Variants in ANKRD17 observed in about 807,000 individuals in gnomAD.
ANKRD17 encodes ankyrin repeat domain 17, also known as ankyrin repeat domain-containing protein 17.
In ANKRD17, 19 loss-of-function variants were observed where a neutral mutation model predicts 229.7. That is an observed-to-expected ratio of 0.08 (90% confidence interval 0.06 to 0.12). ANKRD17 has a LOEUF of 0.12. ANKRD17 is among the 10% of genes least tolerant of loss of function. The pLI is 1.00. For missense variants in ANKRD17, 2,176 were observed against 3,176.8 expected, an observed-to-expected ratio of 0.68 and a Z score of 7.57; for synonymous variants, 1,112 against 1,146.1, an observed-to-expected ratio of 0.97 and a Z score of 0.60.
chr4:73,136,508 T>C (rs1022705545), intron 15 of ANKRD17, among the ~76,000 whole-genome samples: 14 of 152,102 alleles, frequency 9.2e-5, no homozygotes, highest in African/African-American at 3.4e-4. Flanking sequence ...TTATACATTT[T>C]TAAGTCCACT....
intron 15 of ANKRD17, among the ~76,000 whole-genome samples, chr4:73,139,104 T>C (rs1481722474): frequency 6.6e-6 from 1 of 152,188 alleles, no homozygotes; most frequent in Non-Finnish European, 1.5e-5. Flanking sequence ...ATATAAAGTA[T>C]TTCTGTTCAT....
At chr4:73,210,180 T>A (rs1477017164) in intron 1 of ANKRD17, among the ~76,000 whole-genome samples, 1 of 151,828 alleles carries the variant, frequency 6.6e-6, no homozygotes, top group Admixed American at 6.6e-5. Context: ...GTACATATGA[T>A]CCAAGTAGAT....
At chr4:73,113,257 G>A (rs557948805) in intron 24 of ANKRD17, 2 of 1,289,348 alleles carry the variant, frequency 1.6e-6, no homozygotes, top group South Asian at 2.5e-5. Context: ...ACTATATGCT[G>A]TTTTGGTGTA....
chr4:73,210,013 T>C (rs941728911), intron 1 of ANKRD17, among the ~76,000 whole-genome samples: 1 of 152,098 alleles, frequency 6.6e-6, no homozygotes, highest in Non-Finnish European at 1.5e-5. Flanking sequence ...TGAATACTTA[T>C]CTCCCTAAAA....
chr4:73,202,318 T>TAAAAAAAAAAAA (rs10533861), intron 1 of ANKRD17, among the ~76,000 whole-genome samples: 4 of 21,938 alleles, frequency 1.8e-4, no homozygotes, highest in Admixed American at 8.7e-4. Flanking sequence ...GGAACAGGAT[T>TAAAAAAAAAAAA]AAAAAAAAAA....
chr4:73,097,286 A>G lies in ANKRD17; in HGVS notation c.5022-14T>C, dbSNP rs1193412646. The stretch of plus-strand genomic sequence containing the variant: ...GTTTCTGACAATCTTTAACAAAGAG[A>G]GGGAAAGTACATTAAATATGGAACA... On this transcript the variant is annotated splice_polypyrimidine_tract_variant and intron_variant, in intron 26 of 33. Transcript: ENST00000358602. 1 of 1,566,858 alleles carries G rather than the reference A, an allele frequency of 6.4e-7. No individual in the cohort carries two copies. The highest frequency in any genetic ancestry group is 8.6e-7 in the Non-Finnish European group (1 of 1,160,976).
chr4:73,165,001 A>C (rs573646923), intron 2 of ANKRD17, among the ~76,000 whole-genome samples: 1 of 152,016 alleles, frequency 6.6e-6, no homozygotes, highest in South Asian at 2.1e-4. Context: ...ATGCGTAATT[A>C]TGTTCCTCTC....
chr4:73,251,420 TG>T (rs1225871775), intron 1 of ANKRD17, among the ~76,000 whole-genome samples: 1 of 152,144 alleles, frequency 6.6e-6, no homozygotes, highest in Non-Finnish European at 1.5e-5. Flanking sequence ...ATTTTGCTTC[TG>T]GGTAAGAAGT....
intron 1 of ANKRD17, among the ~76,000 whole-genome samples, chr4:73,252,943 C>T (rs928969497): frequency 6.6e-6 from 1 of 151,892 alleles, no homozygotes; most frequent in Non-Finnish European, 1.5e-5. Flanking sequence ...AATGGCCGTC[C>T]AACTGCAAAA....
chr4:73,138,521 AT>A (rs1729198717), intron 15 of ANKRD17, among the ~76,000 whole-genome samples: 1 of 152,148 alleles, frequency 6.6e-6, no homozygotes, highest in Admixed American at 6.5e-5. Flanking sequence ...TTAAAAAAAA[AT>A]AAGCTCATCA....
At chr4:73,153,550 A>G (rs1560607012) in intron 6 of ANKRD17, among the ~76,000 whole-genome samples, 1 of 152,154 alleles carries the variant, frequency 6.6e-6, no homozygotes, top group African/African-American at 2.4e-5. Context: ...AGGTTCATTG[A>G]CATCATTTAA....
rs564244142 is a variant in ANKRD17 at position 73,156,907 on chromosome 4, T to C, written c.705-741A>G. ...TGCTCAACAAGGATGATTATTTCAA[T>C]ATGATTCATAACAAAAAGGCAAAAA... On this transcript the variant is annotated intron_variant, in intron 3 of 33. Coordinates refer to ENST00000358602, the MANE Select transcript of ANKRD17 (RefSeq NM_032217.5). 3.3e-5 allele frequency among the ~76,000 whole-genome samples: 5 copies of C among 152,238 alleles called. No individual in the cohort carries two copies. The East Asian group carries it at 9.6e-4, about 29-fold the overall frequency.
At chr4:73,207,704 A>T (rs572658971) in intron 1 of ANKRD17, among the ~76,000 whole-genome samples, 3 of 152,330 alleles carry the variant, frequency 2.0e-5, no homozygotes, top group African/African-American at 7.2e-5. Flanking sequence ...CAATAAAAGG[A>T]TTAATTCAGC....
Position 73,139,673 on chromosome 4 carries a change from T to C in ANKRD17, c.2943A>G (p.Gln981=), listed in dbSNP as rs1729367120. ...PGSIANLTEL[Q]GVIVGQPVLG... ...GTACTGGCTGTCCAACTATCACTCC[T>C]TGCAGTTCTGTAAGATTTGCGATGG... The change falls in exon 15 of 34, where the codon CAA becomes CAG. Residue 981 remains glutamine, a synonymous_variant. Transcript: ENST00000358602. 3 of 1,614,132 alleles carry C rather than the reference T, an allele frequency of 1.9e-6. No homozygotes were observed. The highest frequency in any genetic ancestry group is 2.5e-6 in the Non-Finnish European group (3 of 1,180,022).
intron 1 of ANKRD17, among the ~76,000 whole-genome samples, chr4:73,241,703 T>C (rs924527014): frequency 2.6e-5 from 4 of 151,924 alleles, no homozygotes; most frequent in Non-Finnish European, 2.9e-5. Flanking sequence ...ACAAAACTGA[T>C]GTAAGGAAAA....
At chr4:73,226,886 T>G (rs1400948417) in intron 1 of ANKRD17, among the ~76,000 whole-genome samples, 1 of 151,948 alleles carries the variant, frequency 6.6e-6, no homozygotes, top group African/African-American at 2.4e-5. Flanking sequence ...AACAAAAGCA[T>G]TTGTTCTTTT....
Position 73,097,245 on chromosome 4 carries a change from G to T in ANKRD17, c.5049C>A (p.Thr1683=). The change falls in exon 27 of 34, where the codon ACC becomes ACA. Residue 1683 remains threonine, a synonymous_variant. Transcript: ENST00000358602. Reference sequence around the variant, plus strand: ...TTGTACAAGTAGATAGAGAATTACTGGTCCCTTCACTGATAGTTTCTGACA... The same window carrying T: ...TTGTACAAGTAGATAGAGAATTACTTGTCCCTTCACTGATAGTTTCTGACA... ...IKLSETISEG[T]SNSLSTCTKS... 4 of 1,597,554 alleles carry T rather than the reference G, an allele frequency of 2.5e-6. No homozygotes were observed. In the South Asian group the frequency reaches 4.6e-5, roughly 18 times the overall value.
chr4:73,126,517 G>A (rs1727493494), intron 16 of ANKRD17, among the ~76,000 whole-genome samples: 1 of 151,838 alleles, frequency 6.6e-6, no homozygotes, highest in Non-Finnish European at 1.5e-5. Flanking sequence ...TGAGAACAAA[G>A]CCCCAAAATA....
chr4:73,078,136 T>C (rs1370719431), intron 31 of ANKRD17, among the ~76,000 whole-genome samples: 1 of 152,130 alleles, frequency 6.6e-6, no homozygotes, highest in Non-Finnish European at 1.5e-5. Flanking sequence ...CCCAGCACTT[T>C]GGGAGACCGA....
Sources: allele counts gnomAD v4.1 joint callset (sites outside exome capture counted in the v4.1 genomes callset), GRCh38; gene constraint gnomAD v4.1.1; transcripts MANE v1.5; gene names NCBI Gene and HGNC (gene_info 2026-07-23, HGNC 2026-07-21).